BRINP1: variants seen among roughly 807,000 people sequenced by gnomAD.
BRINP1 encodes BMP/retinoic acid-inducible neural-specific protein 1.
BRINP1 carries 17 observed loss-of-function variants against 72.9 expected under a neutral mutation model. The ratio of observed to expected loss-of-function variants is 0.23; its 90% confidence interval spans 0.16 to 0.35. The LOEUF is 0.35. Among genes scored for constraint, BRINP1 ranks in the 10% least tolerant of loss-of-function variants. The probability of loss-of-function intolerance (pLI) is 1.00; values close to 1 mark genes in which losing one functional copy is unlikely to be tolerated. For missense variants in BRINP1, 850 were observed against 1,001.6 expected (o/e 0.85, Z 2.04); for synonymous variants, 418 against 378.5 (o/e 1.10, Z -1.21).
intron 5 of BRINP1, among the ~76,000 whole-genome samples, chr9:119,225,877 T>A (rs576798210): frequency 2.6e-5 from 4 of 151,478 alleles, no homozygotes; most frequent in South Asian, 4.2e-4. Context: ...AATTTTATGT[T>A]GTGTATATTT....
At chr9:119,293,202 G>A (rs1830839823) in intron 2 of BRINP1, among the ~76,000 whole-genome samples, 1 of 151,866 alleles carries the variant, frequency 6.6e-6, no homozygotes, top group Non-Finnish European at 1.5e-5. Context: ...AAGAATTCTC[G>A]GCGGGAAAAG....
At position 119,249,014 on chromosome 9, in the gene BRINP1, C is replaced by A; in HGVS notation, c.355G>T (p.Asp119Tyr). 2 of 1,613,984 alleles carry A rather than the reference C, an allele frequency of 1.2e-6. No homozygotes were observed. The highest frequency in any genetic ancestry group is 1.7e-6 in the Non-Finnish European group (2 of 1,179,960). ...GTGCCGTACTTTTTGATGATGGTAT[C>A]GATGAACTGCTGAGTGGTAGGTCTC... is the stretch of plus-strand genomic sequence containing the variant. ...GRRPTTQQFI[D>Y]TIIKKYGTHL... Residue 119 changes from aspartate (D) to tyrosine (Y), a missense_variant, in exon 3 of 8, where the codon GAT becomes TAT. Asp to Tyr is a radical substitution (Grantham distance 160, BLOSUM62 -3). Transcript: ENST00000265922.
intron 1 of BRINP1, among the ~76,000 whole-genome samples, chr9:119,329,533 T>C (rs550659095): frequency 3.3e-5 from 5 of 152,266 alleles, no homozygotes; most frequent in South Asian, 2.1e-4. Flanking sequence ...AGTGTTGAGA[T>C]TGAGCACTCT....
At chr9:119,262,406 G>A (rs1249020128) in intron 2 of BRINP1, among the ~76,000 whole-genome samples, 1 of 151,982 alleles carries the variant, frequency 6.6e-6, no homozygotes, top group African/African-American at 2.4e-5. Flanking sequence ...GGTCGAGGCG[G>A]GCGGGTCATG....
chr9:119,208,420 C>A (rs1456434926), intron 7 of BRINP1, among the ~76,000 whole-genome samples: 3 of 152,142 alleles, frequency 2.0e-5, no homozygotes, highest in African/African-American at 7.2e-5. Flanking sequence ...TTTTTAACAG[C>A]CAGGATAATG....
At chr9:119,286,294 G>A (rs1033197964) in intron 2 of BRINP1, among the ~76,000 whole-genome samples, 5 of 151,440 alleles carry the variant, frequency 3.3e-5, no homozygotes, top group African/African-American at 9.7e-5. Context: ...GTGCAGTGGC[G>A]TGATCTCGGC....
At chr9:119,183,961 G>A (rs1325221491) in intron 7 of BRINP1, among the ~76,000 whole-genome samples, 1 of 152,030 alleles carries the variant, frequency 6.6e-6, no homozygotes, top group African/African-American at 2.4e-5. Context: ...ATTGGGTGAT[G>A]GCTCTGACAG....
chr9:119,348,717 AC>A (rs1226681591), intron 1 of BRINP1, among the ~76,000 whole-genome samples: 3 of 152,206 alleles, frequency 2.0e-5, no homozygotes, highest in Admixed American at 1.3e-4. Flanking sequence ...CCTATTTATG[AC>A]CCTAGGTCAA....
intron 2 of BRINP1, among the ~76,000 whole-genome samples, chr9:119,257,696 AGAG>A (rs578178180): frequency 2.6e-5 from 4 of 152,358 alleles, no homozygotes; most frequent in African/African-American, 7.2e-5. Context: ...GGGGAATCAC[AGAG>A]GAGAAGAGTG....
chr9:119,302,909 C>T (rs1174780738), intron 2 of BRINP1, among the ~76,000 whole-genome samples: 3 of 152,078 alleles, frequency 2.0e-5, no homozygotes, highest in East Asian at 3.9e-4. Context: ...CACTACCCTA[C>T]AAGTGCTCCT....
At chr9:119,192,219 A>G (rs1588159826) in intron 7 of BRINP1, among the ~76,000 whole-genome samples, 1 of 152,100 alleles carries the variant, frequency 6.6e-6, no homozygotes, top group South Asian at 2.1e-4. Context: ...TATCATACCA[A>G]AAGCTCAGGC....
At chr9:119,213,635 A>G in intron 6 of BRINP1, 1 of 571,982 alleles carries the variant, frequency 1.7e-6, no homozygotes, top group Non-Finnish European at 3.1e-6. Flanking sequence ...TTCCCTCTCC[A>G]GAGGCTTCCT....
chr9:119,196,336 T>A (rs773705037), intron 7 of BRINP1, among the ~76,000 whole-genome samples: 1 of 152,198 alleles, frequency 6.6e-6, no homozygotes, highest in Non-Finnish European at 1.5e-5. Context: ...TGGGAAGCAG[T>A]GCTTTAATCC....
chr9:119,170,555 C>T (rs1829393567), intron 7 of BRINP1, among the ~76,000 whole-genome samples: 1 of 152,084 alleles, frequency 6.6e-6, no homozygotes, highest in African/African-American at 2.4e-5. Flanking sequence ...GGAAAGCACT[C>T]TGCAGGATAT....
At chr9:119,179,937 G>A (rs1829533828) in intron 7 of BRINP1, among the ~76,000 whole-genome samples, 1 of 152,162 alleles carries the variant, frequency 6.6e-6, no homozygotes, top group Non-Finnish European at 1.5e-5. Context: ...GCATGGAGTC[G>A]CTCATCATTT....
intron 2 of BRINP1, among the ~76,000 whole-genome samples, chr9:119,311,614 A>T (rs2118993307): frequency 6.6e-6 from 1 of 152,312 alleles, no homozygotes; most frequent in African/African-American, 2.4e-5. Context: ...TTGATAAATT[A>T]GGACAGCAGA....
intron 2 of BRINP1, among the ~76,000 whole-genome samples, chr9:119,263,450 G>T (rs1250635070): frequency 6.6e-6 from 1 of 151,998 alleles, no homozygotes; most frequent in Non-Finnish European, 1.5e-5. Context: ...CTCCCAACTA[G>T]CTCAGCCTCA....
At chr9:119,261,157 TG>T (rs1370373312) in intron 2 of BRINP1, among the ~76,000 whole-genome samples, 1 of 152,190 alleles carries the variant, frequency 6.6e-6, no homozygotes, top group African/African-American at 2.4e-5. Flanking sequence ...AAGCAGAGTT[TG>T]CATAACTGAT....
chr9:119,263,940 C>T (rs937769464), intron 2 of BRINP1, among the ~76,000 whole-genome samples: 4 of 152,090 alleles, frequency 2.6e-5, no homozygotes, highest in African/African-American at 9.7e-5. Flanking sequence ...GCAATACAAA[C>T]GGGCTTATGA....
Sources: gnomAD v4.1 joint callset for allele counts (sites outside exome capture counted in the v4.1 genomes callset) on GRCh38, gnomAD v4.1.1 for gene constraint, MANE v1.5 for transcripts, NCBI Gene and HGNC (gene_info 2026-07-23, HGNC 2026-07-21) for gene names.